Variants in IQSEC1 observed in about 807,000 individuals in gnomAD.
IQSEC1 encodes the protein IQ motif and SEC7 domain-containing protein 1.
In IQSEC1, 31 loss-of-function variants were observed where a neutral mutation model predicts 91.0. The observed-to-expected ratio is 0.34, with a 90% CI of 0.26 to 0.46. IQSEC1 has a LOEUF of 0.46. Among genes scored for constraint, IQSEC1 ranks in the 20% least tolerant of loss-of-function variants. The probability of loss-of-function intolerance (pLI) is 1.00; values close to 1 mark genes in which losing one functional copy is unlikely to be tolerated. For synonymous variants in IQSEC1, 699 were observed against 662.6 expected, an observed-to-expected ratio of 1.05 and a Z score of -0.84; for missense variants, 1,388 against 1,575.6, an observed-to-expected ratio of 0.88 and a Z score of 2.02.
rs1694442919 is a variant in IQSEC1, at chr3:13,211,467, C to T, written c.273-47334G>A. 6.6e-6 allele frequency among the ~76,000 whole-genome samples: 1 copy of T among 152,058 alleles called. No homozygotes were observed. The highest frequency in any genetic ancestry group is 2.4e-5 in the African/African-American group (1 of 41,396). On this transcript the variant is annotated intron_variant, in intron 1 of 15. Coordinates refer to the IQSEC1 transcript ENST00000648114. This position sits in a 1 kb window ranked among gnomAD's most constrained non-coding sequence, Gnocchi z 5.3. ...CCCAGGTCACCTTACAAACAAAGACCCCAACTCAGGGTCTCGGCTCTTCAG... is the reference window on the plus strand; with the variant it reads ...CCCAGGTCACCTTACAAACAAAGACTCCAACTCAGGGTCTCGGCTCTTCAG...
At chr3:13,181,312 C>T (rs979518292) in intron 1 of IQSEC1, among the ~76,000 whole-genome samples, 1 of 152,132 alleles carries the variant, frequency 6.6e-6, no homozygotes, top group African/African-American at 2.4e-5. Flanking sequence ...ATATATGAAG[C>T]AAAAACTAGG....
At chr3:13,215,480 T>C (rs1576297968) in intron 1 of IQSEC1, among the ~76,000 whole-genome samples, 1 of 151,966 alleles carries the variant, frequency 6.6e-6, no homozygotes, top group South Asian at 2.1e-4. Flanking sequence ...AAGAGTTTCG[T>C]TTAAAATCCA....
upstream of IQSEC1, among the ~76,000 whole-genome samples, chr3:13,074,261 G>A (rs1309579668): frequency 2.0e-5 from 3 of 152,188 alleles, no homozygotes; most frequent in Non-Finnish European, 4.4e-5. Context: ...CTCGGATGAC[G>A]CAAGAAGCAG....
chr3:13,214,401 G>C lies in IQSEC1; in HGVS notation c.273-50268C>G, dbSNP rs565819909. On this transcript the variant is annotated intron_variant, in intron 1 of 15. Transcript: ENST00000648114. The surrounding 1 kb of genome is among the most constrained non-coding windows in gnomAD (Gnocchi z 4.5). ...CCACAGCCAGCACAGGCAGGCACACGGCAGGGCTGCAGCAAGCTCGAGCCA... is the reference window on the plus strand; with the variant it reads ...CCACAGCCAGCACAGGCAGGCACACCGCAGGGCTGCAGCAAGCTCGAGCCA... Among the ~76,000 whole-genome samples the C allele has an allele frequency of 7.9e-5, 12 of 152,254 alleles. No individual in the cohort carries two copies. The highest frequency in any genetic ancestry group is 1.6e-4 in the Non-Finnish European group (11 of 68,046).
rs548620856 is a variant in IQSEC1, at chr3:13,124,430, G to C, written c.302+39674C>G. 2.0e-5 allele frequency among the ~76,000 whole-genome samples: 3 copies of C among 152,338 alleles called. No individual in the cohort carries two copies. In the East Asian group the frequency reaches 5.8e-4, roughly 29 times the overall value. On this transcript the variant is annotated intron_variant, in intron 2 of 15. Transcript: ENST00000648114. Reference sequence around the variant, plus strand: ...ATCTCTAAGGAAGATCACATCCAGTGATTGCTGAGGCTCTGCTCTGCAAGG... The same window carrying C: ...ATCTCTAAGGAAGATCACATCCAGTCATTGCTGAGGCTCTGCTCTGCAAGG...
intron 1 of IQSEC1, among the ~76,000 whole-genome samples, chr3:13,198,358 G>T (rs543228802): frequency 1.4e-4 from 21 of 152,062 alleles, no homozygotes; most frequent in Non-Finnish European, 2.6e-4. Flanking sequence ...GCCGTGGGCT[G>T]TCCCCCTGGA....
intron 1 of IQSEC1, among the ~76,000 whole-genome samples, chr3:13,171,260 C>G (rs1200011189): frequency 6.6e-6 from 1 of 152,178 alleles, no homozygotes; most frequent in Non-Finnish European, 1.5e-5. Context: ...ATGAGGTGGT[C>G]CACTCAAGGG....
At chr3:13,212,472 C>G (rs1286775915) in intron 1 of IQSEC1, among the ~76,000 whole-genome samples, 1 of 152,194 alleles carries the variant, frequency 6.6e-6, no homozygotes, top group Non-Finnish European at 1.5e-5. Context: ...ATGAATAATG[C>G]TGTTACAAAC....
intron 1 of IQSEC1, among the ~76,000 whole-genome samples, chr3:13,277,105 TTAAAAAAAAAAA>T (rs1242317066): frequency 2.1e-4 from 9 of 42,226 alleles, no homozygotes; most frequent in African/African-American, 1.2e-3. Flanking sequence ...TTGCTCCTCC[TTAAAAAAAAAAA>T]AAAAAAAAAA....
chr3:13,118,403 A>T (rs1019903689), intron 2 of IQSEC1, among the ~76,000 whole-genome samples: 2 of 152,202 alleles, frequency 1.3e-5, no homozygotes, highest in Non-Finnish European at 2.9e-5. Flanking sequence ...AATGGTGAAA[A>T]CAGCCAAAGT....
intron 1 of IQSEC1, among the ~76,000 whole-genome samples, chr3:13,072,398 T>C (rs1407551434): frequency 6.6e-6 from 1 of 152,196 alleles, no homozygotes; most frequent in Non-Finnish European, 1.5e-5. Context: ...GGGCCCGTGA[T>C]GTCACCGCCC....
At chr3:12,976,115 A>T (rs1036886903) in intron 1 of IQSEC1, among the ~76,000 whole-genome samples, 1 of 152,228 alleles carries the variant, frequency 6.6e-6, no homozygotes, top group Non-Finnish European at 1.5e-5. Context: ...GCTGGGCCTG[A>T]GCGGTGCTCT....
chr3:13,158,641 C>T (rs577615352), intron 2 of IQSEC1, among the ~76,000 whole-genome samples: 36 of 152,094 alleles, frequency 2.4e-4, no homozygotes, highest in Non-Finnish European at 3.7e-4. Flanking sequence ...AGAGTCCTGA[C>T]GGGGAGGCGA....
At chr3:12,911,948 C>A (rs999157274) in intron 9 of IQSEC1, among the ~76,000 whole-genome samples, 1 of 152,238 alleles carries the variant, frequency 6.6e-6, no homozygotes, top group Non-Finnish European at 1.5e-5. Flanking sequence ...CACAACCTGA[C>A]ATAGAGGCGG....
chr3:12,948,690 A>G (rs1699342613), intron 1 of IQSEC1, among the ~76,000 whole-genome samples: 2 of 152,200 alleles, frequency 1.3e-5, no homozygotes, highest in East Asian at 1.9e-4. Flanking sequence ...GCAGTGACCC[A>G]CTGTTCACCC....
At chr3:12,912,232 C>CAGT (rs2125097565) in intron 9 of IQSEC1, among the ~76,000 whole-genome samples, 1 of 152,332 alleles carries the variant, frequency 6.6e-6, no homozygotes, top group South Asian at 2.1e-4. Flanking sequence ...TTCTGGTCTA[C>CAGT]AGTAGGAAAG....
At position 13,057,322 on chromosome 3, in the gene IQSEC1, G is replaced by A. The variant is rs576063746; in HGVS notation, c.23+15670C>T. Among the ~76,000 whole-genome samples the A allele has an allele frequency of 2.7e-3, 416 of 152,312 alleles. 4 individuals are homozygous for A. The highest frequency in any genetic ancestry group is 9.4e-3 in the African/African-American group (392 of 41,564). On this transcript the variant is annotated intron_variant, in intron 1 of 13. Transcript: ENST00000613206. ...CTAAAACAGTGGTGGGGGACACAGC[G>A]TATACCTGCTGGGTGCAGTGGAGGC...
chr3:12,900,928 T>C lies in IQSEC1; in HGVS notation c.*55A>G. The C allele has an allele frequency of 6.5e-7, 1 of 1,537,436 alleles. No individual in the cohort carries two copies. Among genetic ancestry groups the C allele is most frequent in the Non-Finnish European group, 8.7e-7 (1 of 1,146,522 alleles). On this transcript the variant is annotated 3_prime_UTR_variant, in exon 14 of 14. Coordinates refer to ENST00000613206, the MANE Select transcript of IQSEC1 (RefSeq NM_001134382.3). Reference sequence around the variant, plus strand: ...GTGTGCGGCTGGCGACCCCCGGGCGTGCCCTGTGTGGTGTGCAGGTGTTTC... The same window carrying C: ...GTGTGCGGCTGGCGACCCCCGGGCGCGCCCTGTGTGGTGTGCAGGTGTTTC...
intron 12 of IQSEC1, among the ~76,000 whole-genome samples, chr3:12,907,330 C>T (rs1297407545): frequency 6.6e-6 from 1 of 152,148 alleles, no homozygotes; most frequent in African/African-American, 2.4e-5. Flanking sequence ...CGGGCAGGTG[C>T]GGGAGGGAGT....
Sources: gnomAD v4.1 joint callset for allele counts (sites outside exome capture counted in the v4.1 genomes callset) on GRCh38, gnomAD v4.1.1 for gene constraint, Gnocchi (gnomAD v3.1) non-coding constraint, MANE v1.5 for transcripts, NCBI Gene and HGNC (gene_info 2026-07-23, HGNC 2026-07-21) for gene names.